ZNF813: variants seen among roughly 807,000 people sequenced by gnomAD.
The protein encoded by ZNF813 is zinc finger protein 813.
A neutral mutation model predicts 7.2 loss-of-function variants in ZNF813; 3 were observed. That is an observed-to-expected ratio of 0.42 (90% CI 0.19 to 1.08). ZNF813 has a LOEUF of 1.08. ZNF813 is among the 50% of genes least tolerant of loss of function. The pLI, the probability that ZNF813 is intolerant of heterozygous loss-of-function variation, is 0.30. For missense variants in ZNF813, 714 were observed against 753.3 expected, an observed-to-expected ratio of 0.95 and a Z score of 0.61; for synonymous variants, 227 against 256.3, an observed-to-expected ratio of 0.89 and a Z score of 1.09.
At chr19:53,476,457 G>A (rs1428736789) in intron 1 of ZNF813, among the ~76,000 whole-genome samples, 1 of 151,772 alleles carries the variant, frequency 6.6e-6, no homozygotes, top group Admixed American at 6.6e-5. Context: ...GGTGAAACCC[G>A]GTCTCTACTA....
intron 3 of ZNF813, among the ~76,000 whole-genome samples, chr19:53,488,930 T>G (rs923502679): frequency 6.6e-6 from 1 of 152,222 alleles, no homozygotes; most frequent in Non-Finnish European, 1.5e-5. Flanking sequence ...TTACAATATT[T>G]TACTAACTAA....
At chr19:53,485,339 C>T (rs2086426938) in intron 2 of ZNF813, among the ~76,000 whole-genome samples, 1 of 152,216 alleles carries the variant, frequency 6.6e-6, no homozygotes, top group African/African-American at 2.4e-5. Flanking sequence ...TTCAACAAAA[C>T]TTGCTACTTT....
intron 3 of ZNF813, chr19:53,488,400 A>C: frequency 4.0e-6 from 1 of 251,160 alleles, no homozygotes; most frequent in Non-Finnish European, 7.9e-6. Flanking sequence ...GACTTCTTTC[A>C]TTTCCTTTTT....
chr19:53,489,645 G>A lies in ZNF813; in HGVS notation c.143-730G>A, dbSNP rs141002325. 7.2e-5 allele frequency among the ~76,000 whole-genome samples: 11 copies of A among 152,214 alleles called. 1 individual carries two copies. The highest frequency in any genetic ancestry group is 2.6e-4 in the African/African-American group (11 of 41,550). On this transcript the variant is annotated intron_variant, in intron 3 of 3. Transcript: ENST00000396403. ...AAAATTTTTAAAAGAACGTCATAACGTGCCTTTTCTGCATAGGTATAGGTA... is the reference window on the plus strand; with the variant it reads ...AAAATTTTTAAAAGAACGTCATAACATGCCTTTTCTGCATAGGTATAGGTA...
At position 53,491,047 on chromosome 19, in the gene ZNF813, G is replaced by A. The variant is rs559321027; in HGVS notation, c.815G>A (p.Arg272Lys). 7.3e-5 allele frequency: 118 copies of A among 1,614,100 alleles called. No homozygotes were observed. In the Middle Eastern group the frequency reaches 8.2e-4, roughly 11 times the overall value. ...TGTCACACTGGGGAGAAACCTTACAGGTGTAATGAGTGTGGCAAGACTTTC... is the reference window on the plus strand; with the variant it reads ...TGTCACACTGGGGAGAAACCTTACAAGTGTAATGAGTGTGGCAAGACTTTC... ...RRCHTGEKPY[R>K]CNECGKTFSQ... Residue 272 changes from arginine (R) to lysine (K), a missense_variant, in exon 4 of 4, where the codon AGG (arginine) becomes AAG (lysine). Coordinates refer to ENST00000396403, the MANE Select transcript of ZNF813 (RefSeq NM_001004301.4).
chr19:53,469,970 A>G (rs1265887431), intron 1 of ZNF813, among the ~76,000 whole-genome samples: 1 of 131,892 alleles, frequency 7.6e-6, no homozygotes, highest in Non-Finnish European at 1.8e-5. Flanking sequence ...TGAGCATTTC[A>G]ACAAAGAGTG....
intron 1 of ZNF813, among the ~76,000 whole-genome samples, chr19:53,476,230 C>G (rs2086381095): frequency 6.6e-6 from 1 of 152,162 alleles, no homozygotes; most frequent in Admixed American, 6.5e-5. Context: ...TAACAGTCCT[C>G]TTAGATTGGG....
intron 1 of ZNF813, among the ~76,000 whole-genome samples, chr19:53,469,924 G>A (rs568309950): frequency 4.6e-4 from 69 of 151,610 alleles, no homozygotes; most frequent in South Asian, 6.3e-4. Context: ...TTTACTTAAG[G>A]TACGCACCGG....
chr19:53,483,427 A>T (rs2086418727), intron 1 of ZNF813, among the ~76,000 whole-genome samples: 1 of 152,074 alleles, frequency 6.6e-6, no homozygotes. Flanking sequence ...AGCTCAAGAG[A>T]TCTACGCACC....
Position 53,479,498 on chromosome 19 carries a change from C to G in ZNF813, c.-73-4252C>G, listed in dbSNP as rs919315623. ...GAACAGGCTGAGGCTGAAGTGGCCTCCGTGAACGGTAGGATCCAGCTGGTT... is the reference window on the plus strand; with the variant it reads ...GAACAGGCTGAGGCTGAAGTGGCCTGCGTGAACGGTAGGATCCAGCTGGTT... On this transcript the variant is annotated intron_variant, in intron 1 of 3. Coordinates refer to ENST00000396403, the MANE Select transcript of ZNF813 (RefSeq NM_001004301.4). 2.8e-6 allele frequency: 4 copies of G among 1,411,170 alleles called. No individual in the cohort carries two copies. The African/African-American group carries it at 5.6e-5, about 20-fold the overall frequency. The allele number at this position is 1,411,170 out of a possible 1,614,324, so 87.4% of individuals were successfully genotyped here.
At chr19:53,485,612 A>ATATATATCATGAC (rs1555843925) in intron 2 of ZNF813, among the ~76,000 whole-genome samples, 1 of 150,888 alleles carries the variant, frequency 6.6e-6, no homozygotes, top group Non-Finnish European at 1.5e-5. Context: ...ATATATCGTG[A>ATATATATCATGAC]TATATACATG....
In ZNF813 at chr19:53,492,847, A is replaced by G; in HGVS notation, c.*761A>G. The G allele has an allele frequency of 6.2e-6, 3 of 480,240 alleles. No individual in the cohort carries two copies. Among genetic ancestry groups the G allele is most frequent in the South Asian group, 1.5e-5 (1 of 65,394 alleles). The allele number at this position is 480,240 out of a possible 1,614,324, so 29.7% of individuals were successfully genotyped here. Reference sequence around the variant, plus strand: ...TCAAGCTTCATCCTATGCAAAACATAGGAGAATTCATACAGGAGAGAAACC... The same window carrying G: ...TCAAGCTTCATCCTATGCAAAACATGGGAGAATTCATACAGGAGAGAAACC... On this transcript the variant is annotated 3_prime_UTR_variant, in exon 4 of 4. Transcript: ENST00000396403.
intron 1 of ZNF813, among the ~76,000 whole-genome samples, chr19:53,482,874 G>A (rs1318297188): frequency 6.6e-6 from 1 of 151,024 alleles, no homozygotes; most frequent in East Asian, 1.9e-4. Context: ...ACAGGTGTGT[G>A]CCACCACACC....
chr19:53,493,306 A>G lies in ZNF813; in HGVS notation c.*1220A>G, dbSNP rs2086472397. The stretch of plus-strand genomic sequence containing the variant: ...TTGAATCTAAATCACATTGGGTTAT[A>G]TAATCATTTAACAATATTAATTTTT... On this transcript the variant is annotated 3_prime_UTR_variant, in exon 4 of 4. Transcript: ENST00000396403. The G allele has an allele frequency of 1.9e-5, 3 of 161,322 alleles. No individual in the cohort carries two copies. Among genetic ancestry groups the G allele is most frequent in the Admixed American group, 1.8e-4 (3 of 16,318 alleles). 10.0% of individuals were successfully genotyped at this position (161,322 alleles called of 1,614,324 possible). A position where few individuals can be genotyped will look rare whatever the true frequency, so the allele number is the denominator to read the frequency against.
intron 1 of ZNF813, among the ~76,000 whole-genome samples, chr19:53,478,973 G>C (rs1438283419): frequency 6.8e-6 from 1 of 147,424 alleles, no homozygotes; most frequent in Non-Finnish European, 1.5e-5. Flanking sequence ...CTTATGCAGT[G>C]ACCCAGGCTG....
At chr19:53,470,709 T>G (rs2086354464) in intron 1 of ZNF813, among the ~76,000 whole-genome samples, 1 of 149,664 alleles carries the variant, frequency 6.7e-6, no homozygotes, top group Admixed American at 6.7e-5. Context: ...AAGTCTGGAC[T>G]GGAACATGGG....
At chr19:53,482,922 T>C (rs1041193066) in intron 1 of ZNF813, among the ~76,000 whole-genome samples, 4 of 151,498 alleles carry the variant, frequency 2.6e-5, no homozygotes, top group Non-Finnish European at 4.4e-5. Context: ...TTTTATTTTA[T>C]TTTATTTTAT....
chr19:53,481,341 A>ATCCT (rs2086407339), intron 1 of ZNF813, among the ~76,000 whole-genome samples: 1 of 89,212 alleles, frequency 1.1e-5, no homozygotes, highest in Non-Finnish European at 2.0e-5. Context: ...GCACCCATGT[A>ATCCT]TTCTTTTTTT....
At chr19:53,488,498 T>C (rs778589737) in intron 3 of ZNF813, among the ~76,000 whole-genome samples, 4 of 151,872 alleles carry the variant, frequency 2.6e-5, no homozygotes, top group Non-Finnish European at 5.9e-5. Context: ...AACCTCTGCT[T>C]ACTGGGTTCA....
Sources: gnomAD v4.1 joint callset for allele counts (sites outside exome capture counted in the v4.1 genomes callset) on GRCh38, gnomAD v4.1.1 for gene constraint, MANE v1.5 for transcripts, NCBI Gene and HGNC (gene_info 2026-07-23, HGNC 2026-07-21) for gene names.